The following DCLK1 variants were observed in gnomAD, a reference collection of about 807,000 sequenced individuals.
DCLK1 encodes the protein doublecortin like kinase 1.
A neutral mutation model predicts 86.2 loss-of-function variants in DCLK1; 16 were observed. The observed-to-expected ratio is 0.19, with a 90% confidence interval of 0.13 to 0.28. DCLK1 has a LOEUF of 0.28. DCLK1 is among the 10% of genes least tolerant of loss of function. DCLK1 has a pLI of 1.00. For synonymous variants in DCLK1, 369 were observed against 370.5 expected (o/e 1.00, Z 0.05); for missense variants, 590 against 940.2 (o/e 0.63, Z 4.87).
At chr13:36,046,338 A>C (rs1166055356) in intron 3 of DCLK1, among the ~76,000 whole-genome samples, 1 of 152,230 alleles carries the variant, frequency 6.6e-6, no homozygotes, top group Non-Finnish European at 1.5e-5. Context: ...ACTAACACAC[A>C]CAGCTAAACA....
At chr13:35,957,562 C>A (rs1200851838) in intron 3 of DCLK1, among the ~76,000 whole-genome samples, 1 of 152,054 alleles carries the variant, frequency 6.6e-6, no homozygotes, top group African/African-American at 2.4e-5. Flanking sequence ...TTATAAGTAT[C>A]AAAAGTATTG....
At chr13:35,789,267 C>A (rs1236664185) in intron 16 of DCLK1, among the ~76,000 whole-genome samples, 1 of 152,178 alleles carries the variant, frequency 6.6e-6, no homozygotes, top group Non-Finnish European at 1.5e-5. Context: ...TCTAAATTCA[C>A]AAAGGCATTT....
At chr13:35,980,539 TAGA>T (rs573160143) in intron 3 of DCLK1, among the ~76,000 whole-genome samples, 2 of 152,308 alleles carry the variant, frequency 1.3e-5, no homozygotes, top group Non-Finnish European at 2.9e-5. Context: ...GTAGCAAAAG[TAGA>T]AGTAGCCCCT....
intron 3 of DCLK1, among the ~76,000 whole-genome samples, chr13:36,107,204 T>C (rs1480117821): frequency 2.0e-5 from 3 of 152,202 alleles, no homozygotes; most frequent in Admixed American, 1.3e-4. Context: ...ATGGCAGTTA[T>C]GATGCTTTCT....
chr13:35,942,447 T>C (rs1323097964), intron 4 of DCLK1, among the ~76,000 whole-genome samples: 1 of 152,188 alleles, frequency 6.6e-6, no homozygotes, highest in Admixed American at 6.5e-5. Context: ...CCTCCCAAAG[T>C]GCTGGGATTA....
At chr13:35,793,192 G>T (rs2153099548) in intron 16 of DCLK1, among the ~76,000 whole-genome samples, 174 bp downstream of exon 16, 1 of 152,282 alleles carries the variant, frequency 6.6e-6, no homozygotes, top group East Asian at 1.9e-4. Context: ...GAAATGATCT[G>T]CAGAAACACA....
intron 10 of DCLK1, among the ~76,000 whole-genome samples, 199 bp downstream of exon 10, chr13:35,827,436 C>G (rs1868568370): frequency 6.6e-6 from 1 of 152,098 alleles, no homozygotes. Flanking sequence ...GAGGTAGACC[C>G]AAAGTCATGG....
chr13:35,791,485 G>T (rs1021064309), intron 16 of DCLK1, among the ~76,000 whole-genome samples: 1 of 152,088 alleles, frequency 6.6e-6, no homozygotes, highest in African/African-American at 2.4e-5. Flanking sequence ...AAAAAAAGTG[G>T]ATCTTTGATC....
At chr13:35,857,737 C>T (rs1871150579) in intron 5 of DCLK1, among the ~76,000 whole-genome samples, 1 of 152,232 alleles carries the variant, frequency 6.6e-6, no homozygotes, top group African/African-American at 2.4e-5. Context: ...ACGCCCTTCA[C>T]AGAGGGCAGT....
At chr13:36,116,635 T>C (rs1017149466) in intron 2 of DCLK1, among the ~76,000 whole-genome samples, 2 of 152,220 alleles carry the variant, frequency 1.3e-5, no homozygotes, top group Non-Finnish European at 2.9e-5. Context: ...CTAGAGCTGG[T>C]TGTTACCTCC....
intron 3 of DCLK1, among the ~76,000 whole-genome samples, chr13:35,996,039 C>T (rs1334604078): frequency 6.6e-6 from 1 of 152,082 alleles, no homozygotes; most frequent in Non-Finnish European, 1.5e-5. Flanking sequence ...AGTGATTCTC[C>T]TGCCTCAGCC....
At position 35,773,048 on chromosome 13, in the gene DCLK1, A is replaced by G. The variant is rs898072324; in HGVS notation, c.*1487T>C. ...AGAGCCCAGCAAACCTTGGGAATAC[A>G]TTTGAGTTGGGCACCTGCCTCTAAG... On this transcript the variant is annotated 3_prime_UTR_variant, in exon 17 of 17. Coordinates refer to ENST00000360631, the MANE Select transcript of DCLK1 (RefSeq NM_001330071.2). 2 of 152,148 alleles carry G rather than the reference A, an allele frequency of 1.3e-5. No homozygotes were observed. Among genetic ancestry groups the G allele is most frequent in the African/African-American group, 2.4e-5 (1 of 41,422 alleles). The allele number at this position is 152,148 out of a possible 1,614,324, so 9.4% of individuals were successfully genotyped here. A position where few individuals can be genotyped will look rare whatever the true frequency, so the allele number is the denominator to read the frequency against.
Position 35,850,586 on chromosome 13 carries a change from C to T in DCLK1, c.1035+3913G>A, listed in dbSNP as rs999135612. The T allele has an allele frequency of 6.3e-6, 8 of 1,278,370 alleles. No individual in the cohort carries two copies. The South Asian group carries it at 2.2e-4, about 36-fold the overall frequency. The allele number at this position is 1,278,370 out of a possible 1,614,324, so 79.2% of individuals were successfully genotyped here. A position where few individuals can be genotyped will look rare whatever the true frequency, so the allele number is the denominator to read the frequency against. On this transcript the variant is annotated intron_variant, in intron 6 of 16. Coordinates refer to ENST00000360631, the MANE Select transcript of DCLK1 (RefSeq NM_001330071.2). ...CGAAAACAAAATGCATACATATTTA[C>T]TTTTGGATGATTTGGTCTTTTATCA...
intron 3 of DCLK1, among the ~76,000 whole-genome samples, chr13:35,964,773 A>C (rs1878638288): frequency 7.1e-6 from 1 of 141,260 alleles, no homozygotes; most frequent in African/African-American, 2.8e-5. Flanking sequence ...TACATTTTAA[A>C]ATGGTTGGAA....
At position 36,008,176 on chromosome 13, in the gene DCLK1, T is replaced by TC. The variant is rs1338246411; in HGVS notation, c.724-60720_724-60719insG. Among the ~76,000 whole-genome samples the TC allele has an allele frequency of 7.7e-4, 107 of 139,764 alleles. 2 individuals carry two copies. The highest frequency in any genetic ancestry group is 2.6e-3 in the African/African-American group (100 of 38,114). The allele number at this position is 139,764 out of a possible 152,430, so 91.7% of individuals were successfully genotyped here. ...TTTTTTTTGGTCTCTACCATCTTTT[T>TC]TTTTTCAGAGTCCACAGAGCTATTT... On this transcript the variant is annotated intron_variant, in intron 3 of 16. Transcript: ENST00000360631.
chr13:36,126,161 G>C lies in DCLK1; in HGVS notation c.-19-5C>G. 6.5e-7 allele frequency: 1 copy of C among 1,545,034 alleles called. No homozygotes were observed. The highest frequency in any genetic ancestry group is 8.7e-7 in the Non-Finnish European group (1 of 1,151,332). On this transcript the variant is annotated splice_region_variant and splice_polypyrimidine_tract_variant and intron_variant, in intron 1 of 16. Transcript: ENST00000360631. ...ATGATGGACTTCAAGTAGGACCTACGAGCCCCAGAAACAAAAGCAGACACA... is the reference window on the plus strand; with the variant it reads ...ATGATGGACTTCAAGTAGGACCTACCAGCCCCAGAAACAAAAGCAGACACA...
intron 4 of DCLK1, among the ~76,000 whole-genome samples, chr13:35,874,836 C>T (rs1476871860): frequency 1.3e-5 from 2 of 152,240 alleles, no homozygotes; most frequent in Non-Finnish European, 2.9e-5. Context: ...TCTGACCATG[C>T]AACTGACAAC....
chr13:35,867,286 A>G (rs149870260), intron 5 of DCLK1, among the ~76,000 whole-genome samples: 1 of 152,236 alleles, frequency 6.6e-6, no homozygotes, highest in Non-Finnish European at 1.5e-5. Context: ...TTATATACAC[A>G]AAAAGCTCAC....
chr13:36,106,558 C>T (rs1469191453), intron 3 of DCLK1, among the ~76,000 whole-genome samples: 1 of 152,192 alleles, frequency 6.6e-6, no homozygotes, highest in East Asian at 1.9e-4. Context: ...TATTACATTC[C>T]CTTTTGCTAC....
Sources: allele counts gnomAD v4.1 joint callset (sites outside exome capture counted in the v4.1 genomes callset), GRCh38; gene constraint gnomAD v4.1.1; transcripts MANE v1.5; gene names NCBI Gene and HGNC (gene_info 2026-07-23, HGNC 2026-07-21).